LRRC37A2: variants seen among roughly 807,000 people sequenced by gnomAD.
LRRC37A2 encodes the protein leucine-rich repeat-containing protein 37A2.
LRRC37A2 carries 9 observed loss-of-function variants against 68.8 expected under a neutral mutation model. The observed-to-expected ratio is 0.13, with a 90% CI of 0.08 to 0.23. LRRC37A2 has a LOEUF of 0.23. LRRC37A2 is among the 10% of genes least tolerant of loss of function. LRRC37A2 has a pLI of 1.00. For missense variants in LRRC37A2, 168 were observed against 950.4 expected, an observed-to-expected ratio of 0.18 and a Z score of 10.82; for synonymous variants, 63 against 367.6, an observed-to-expected ratio of 0.17 and a Z score of 9.48.
At chr17:46,944,628 CTCAT>C in the LRRC37A2 span, among the ~76,000 whole-genome samples, 2 of 147,726 alleles carry the variant, frequency 1.4e-5, no homozygotes, top group Non-Finnish European at 3.0e-5. Context: ...TTTTTTTCCT[CTCAT>C]TCTGTTGCCC....
At chr17:46,911,467 G>A in the LRRC37A2 span, 2 of 152,356 alleles carry the variant, frequency 1.3e-5, no homozygotes, top group South Asian at 4.1e-4. Flanking sequence ...TCCAACTGGT[G>A]CTTACATGCC....
the LRRC37A2 span, among the ~76,000 whole-genome samples, chr17:46,897,934 C>T: frequency 6.6e-6 from 1 of 152,152 alleles, no homozygotes; most frequent in African/African-American, 2.4e-5. Context: ...CCTGCACACC[C>T]AGGACCCAGG....
At chr17:46,898,499 C>T in the LRRC37A2 span, among the ~76,000 whole-genome samples, 2 of 152,162 alleles carry the variant, frequency 1.3e-5, no homozygotes, top group Admixed American at 6.5e-5. Context: ...GAGACCTGGC[C>T]TCATCTCTGG....
the LRRC37A2 span, among the ~76,000 whole-genome samples, chr17:46,920,139 T>G: frequency 1.3e-5 from 2 of 152,154 alleles, no homozygotes; most frequent in Admixed American, 6.5e-5. Flanking sequence ...GCAGACACAA[T>G]AAACATTTTC....
chr17:47,000,308 C>T, the LRRC37A2 span, among the ~76,000 whole-genome samples: 4,007 of 150,116 alleles, frequency 0.027, 154 homozygotes, highest in African/African-American at 0.088. Flanking sequence ...GATCTTGGCT[C>T]GCTGCAGCCT....
the LRRC37A2 span, among the ~76,000 whole-genome samples, chr17:47,028,743 A>G: frequency 6.6e-6 from 1 of 151,674 alleles, no homozygotes; most frequent in African/African-American, 2.4e-5. Context: ...CCCTGTCCCT[A>G]CTATAAATAC....
chr17:46,780,818 T>A, the LRRC37A2 span, among the ~76,000 whole-genome samples: 1 of 152,000 alleles, frequency 6.6e-6, no homozygotes, highest in Admixed American at 6.6e-5. Flanking sequence ...CAGACACCTG[T>A]ACACCAGTGT....
the LRRC37A2 span, among the ~76,000 whole-genome samples, chr17:46,781,973 A>G: frequency 6.6e-6 from 1 of 152,202 alleles, no homozygotes; most frequent in East Asian, 1.9e-4. Flanking sequence ...CCTGGGGGTG[A>G]TGAATGCACA....
chr17:46,895,939 G>A, the LRRC37A2 span, among the ~76,000 whole-genome samples: 19 of 152,266 alleles, frequency 1.2e-4, no homozygotes, highest in African/African-American at 4.6e-4. Flanking sequence ...GGGTCTTGAA[G>A]GGGAAGCTGG....
At chr17:46,750,624 T>C in the LRRC37A2 span, among the ~76,000 whole-genome samples, 1 of 152,234 alleles carries the variant, frequency 6.6e-6, no homozygotes, top group African/African-American at 2.4e-5. Context: ...AGTGAGTTAA[T>C]TTCCCATTCC....
chr17:46,816,119 A>ACACACACACACACGTACG, the LRRC37A2 span, among the ~76,000 whole-genome samples: 2 of 150,552 alleles, frequency 1.3e-5, no homozygotes, highest in Admixed American at 1.3e-4. Flanking sequence ...ACGTACACAC[A>ACACACACACACACGTACG]CACACACACA....
At chr17:46,976,662 G>A in the LRRC37A2 span, among the ~76,000 whole-genome samples, 8 of 152,238 alleles carry the variant, frequency 5.3e-5, no homozygotes, top group East Asian at 1.5e-3. Flanking sequence ...CGCAGTGTTC[G>A]CCCTAACTTG....
the LRRC37A2 span, chr17:46,923,106 G>T: frequency 4.2e-6 from 4 of 951,818 alleles, no homozygotes; most frequent in South Asian, 5.5e-5. Context: ...AGGGTCCTGC[G>T]ACCGGAAGCC....
chr17:46,970,945 G>A, the LRRC37A2 span, among the ~76,000 whole-genome samples: 1 of 152,198 alleles, frequency 6.6e-6, no homozygotes, highest in African/African-American at 2.4e-5. Flanking sequence ...AATATGAAAG[G>A]CTGCATGCCA....
chr17:46,973,656 G>A, the LRRC37A2 span, among the ~76,000 whole-genome samples: 3 of 152,138 alleles, frequency 2.0e-5, no homozygotes, highest in Non-Finnish European at 2.9e-5. Context: ...CACCTGCCCC[G>A]TCTGCCGAGC....
At chr17:47,047,756 T>C in the LRRC37A2 span, among the ~76,000 whole-genome samples, 12 of 151,894 alleles carry the variant, frequency 7.9e-5, 1 homozygote, top group Non-Finnish European at 2.9e-5. Flanking sequence ...TCTGGTTCCA[T>C]AACCAGAAAT....
At chr17:46,955,082 CT>C in the LRRC37A2 span, among the ~76,000 whole-genome samples, 1 of 152,148 alleles carries the variant, frequency 6.6e-6, no homozygotes, top group Non-Finnish European at 1.5e-5. Flanking sequence ...GCGGGCATCC[CT>C]GTCTTGTGCC....
the LRRC37A2 span, chr17:46,941,028 A>G: frequency 9.1e-7 from 1 of 1,097,846 alleles, no homozygotes; most frequent in Non-Finnish European, 1.1e-6. Context: ...GTGAATTCTT[A>G]GGTCGAGCTG....
the LRRC37A2 span, among the ~76,000 whole-genome samples, chr17:46,770,536 C>A: frequency 3.3e-5 from 5 of 152,136 alleles, no homozygotes; most frequent in East Asian, 9.7e-4. Flanking sequence ...CCCTTCCGCA[C>A]GTGGATGCAT....
Sources: gnomAD v4.1 joint callset for allele counts (sites outside exome capture counted in the v4.1 genomes callset) on GRCh38, gnomAD v4.1.1 for gene constraint, MANE v1.5 for transcripts, NCBI Gene and HGNC (gene_info 2026-07-23, HGNC 2026-07-21) for gene names.